The following KDM4C variants were observed in gnomAD, a reference collection of about 807,000 sequenced individuals.
KDM4C encodes the protein lysine-specific demethylase 4C.
KDM4C carries 81 observed loss-of-function variants against 129.3 expected under a neutral mutation model. The observed-to-expected ratio is 0.63, with a 90% confidence interval of 0.52 to 0.75. KDM4C has a LOEUF of 0.75. Among genes scored for constraint, KDM4C ranks in the 30% least tolerant of loss-of-function variants. KDM4C has a pLI of 0.00. For synonymous variants in KDM4C, 573 were observed against 456.1 expected, an observed-to-expected ratio of 1.26 and a Z score of -3.26; for missense variants, 1,457 against 1,304.0, an observed-to-expected ratio of 1.12 and a Z score of -1.81.
intron 16 of KDM4C, 91 bp from the exon 17 acceptor site, chr9:7,049,001 G>T (rs963415069): frequency 1.9e-5 from 15 of 806,206 alleles, no homozygotes; most frequent in Non-Finnish European, 3.0e-5. Context: ...GCTCATCTGT[G>T]TATTTCCCAT....
intron 12 of KDM4C, among the ~76,000 whole-genome samples, chr9:6,990,849 C>T (rs1206529149): frequency 2.0e-5 from 3 of 152,228 alleles, no homozygotes; most frequent in Non-Finnish European, 4.4e-5. Context: ...TTAGAGTTAA[C>T]GTGCTGTAGG....
Position 6,980,951 on chromosome 9 carries a change from G to T in KDM4C, c.948G>T (p.Lys316Asn). The T allele has an allele frequency of 6.2e-7, 1 of 1,613,682 alleles. No individual in the cohort carries two copies. The highest frequency in any genetic ancestry group is 8.5e-7 in the Non-Finnish European group (1 of 1,179,744). ...KLCTCRKDMV[K>N]ISMDIFVRKF... ...GCACTTGCAGGAAAGACATGGTGAA[G>T]ATTTCAATGGATATCTTTGTGAGGA... Residue 316 changes from lysine to asparagine, a missense_variant, in exon 9 of 22, where the codon AAG becomes AAT. Transcript: ENST00000381309.
intron 1 of KDM4C, among the ~76,000 whole-genome samples, chr9:6,726,175 C>T (rs1817121680): frequency 6.6e-6 from 1 of 152,196 alleles, no homozygotes; most frequent in Non-Finnish European, 1.5e-5. Context: ...CCGCCTGCCT[C>T]AGCCTCCCAA....
chr9:6,923,277 G>A (rs982649385), intron 8 of KDM4C, among the ~76,000 whole-genome samples: 1 of 151,558 alleles, frequency 6.6e-6, no homozygotes, highest in African/African-American at 2.4e-5. Flanking sequence ...ATGTTGCACT[G>A]TTGCTGCATG....
At chr9:6,917,493 C>T (rs2131155325) in intron 8 of KDM4C, among the ~76,000 whole-genome samples, 1 of 152,302 alleles carries the variant, frequency 6.6e-6, no homozygotes, top group Non-Finnish European at 1.5e-5. Context: ...TTATACTCAT[C>T]TGGCAAAAAT....
intron 17 of KDM4C, among the ~76,000 whole-genome samples, chr9:7,051,128 A>G (rs1444907413): frequency 1.3e-5 from 2 of 152,108 alleles, no homozygotes; most frequent in Non-Finnish European, 2.9e-5. Flanking sequence ...TGACCAGATT[A>G]TTTTTCATAT....
intron 21 of KDM4C, among the ~76,000 whole-genome samples, chr9:7,172,861 C>T (rs1348190048): frequency 6.6e-6 from 1 of 152,220 alleles, no homozygotes; most frequent in Non-Finnish European, 1.5e-5. Context: ...GTGAAATGTG[C>T]TGTGTGTTGA....
chr9:6,817,169 A>G (rs921428727), intron 4 of KDM4C, among the ~76,000 whole-genome samples: 32 of 147,846 alleles, frequency 2.2e-4, no homozygotes, highest in Admixed American at 7.4e-4. Flanking sequence ...ATGGATATAG[A>G]TGAAAGAAGA....
intron 4 of KDM4C, chr9:6,834,531 G>T (rs1433702997): frequency 4.5e-6 from 3 of 671,104 alleles, no homozygotes; most frequent in Non-Finnish European, 5.6e-6. Context: ...AGGTGACGAT[G>T]ACCCCCGGCC....
intron 8 of KDM4C, among the ~76,000 whole-genome samples, chr9:6,971,501 G>T (rs927512679): frequency 1.3e-5 from 2 of 152,156 alleles, no homozygotes; most frequent in African/African-American, 2.4e-5. Context: ...TTTATCAGCG[G>T]TCTGTGCCCC....
chr9:7,070,298 T>C (rs2132804775), intron 17 of KDM4C, among the ~76,000 whole-genome samples: 1 of 152,304 alleles, frequency 6.6e-6, no homozygotes, highest in South Asian at 2.1e-4. Context: ...TTCAGTATTA[T>C]GATGTAAAAT....
chr9:6,837,542 G>A (rs187211805), intron 4 of KDM4C, among the ~76,000 whole-genome samples: 1 of 152,268 alleles, frequency 6.6e-6, no homozygotes, highest in East Asian at 1.9e-4. Context: ...ACTACTTGAT[G>A]TCATTCTTGT....
intron 7 of KDM4C, among the ~76,000 whole-genome samples, chr9:6,890,281 G>T (rs1845931161): frequency 6.6e-6 from 1 of 152,162 alleles, no homozygotes; most frequent in Non-Finnish European, 1.5e-5. Flanking sequence ...TGTAAAATGG[G>T]ATAAAAATAG....
intron 20 of KDM4C, among the ~76,000 whole-genome samples, chr9:7,166,315 G>T (rs568549638): frequency 1.3e-5 from 2 of 152,316 alleles, no homozygotes; most frequent in South Asian, 4.1e-4. Context: ...AAGATACTGC[G>T]TCAGGACCTG....
intron 4 of KDM4C, among the ~76,000 whole-genome samples, chr9:6,828,655 G>A (rs1200442665): frequency 1.4e-5 from 2 of 143,030 alleles, no homozygotes; most frequent in African/African-American, 6.1e-5. Context: ...TGGATCACCT[G>A]AGGTTGGGAG....
At chr9:6,770,426 T>G (rs1054528707) in intron 1 of KDM4C, among the ~76,000 whole-genome samples, 1 of 152,186 alleles carries the variant, frequency 6.6e-6, no homozygotes, top group Admixed American at 6.5e-5. Flanking sequence ...ATATTGAAAA[T>G]ACATGTCAAT....
At chr9:6,867,098 C>T (rs966824936) in intron 5 of KDM4C, among the ~76,000 whole-genome samples, 10 of 150,526 alleles carry the variant, frequency 6.6e-5, no homozygotes, top group African/African-American at 2.2e-4. Context: ...TCACTGCAAC[C>T]TCCGCCTGCC....
intron 15 of KDM4C, among the ~76,000 whole-genome samples, chr9:7,033,934 T>C (rs1827202395): frequency 6.6e-6 from 1 of 151,598 alleles, no homozygotes; most frequent in South Asian, 2.1e-4. Context: ...AGGAAGAGTG[T>C]GGAAAAACTG....
intron 17 of KDM4C, among the ~76,000 whole-genome samples, chr9:7,085,027 G>A (rs1402724611): frequency 6.6e-6 from 1 of 152,212 alleles, no homozygotes; most frequent in African/African-American, 2.4e-5. Context: ...AAGATCAGTA[G>A]GTGTGGCCAA....
Sources: allele counts gnomAD v4.1 joint callset (sites outside exome capture counted in the v4.1 genomes callset), GRCh38; gene constraint gnomAD v4.1.1; transcripts MANE v1.5; gene names NCBI Gene and HGNC (gene_info 2026-07-23, HGNC 2026-07-21).